The following SYN3 variants were observed in gnomAD, a reference collection of about 807,000 sequenced individuals.
The protein encoded by SYN3 is synapsin-3.
In SYN3, 35 loss-of-function variants were observed where a neutral mutation model predicts 65.8. The observed-to-expected ratio is 0.53, with a 90% CI of 0.41 to 0.70. The LOEUF (loss-of-function observed/expected upper bound fraction) is 0.70. SYN3 is among the 30% of genes least tolerant of loss of function. SYN3 has a pLI of 0.00. For missense variants in SYN3, 680 were observed against 749.0 expected (o/e 0.91, Z 1.08); for synonymous variants, 270 against 292.9 (o/e 0.92, Z 0.80).
At position 32,512,950 on chromosome 22, in the gene SYN3, C is replaced by G. The variant is rs1418814247; in HGVS notation, c.*742G>C. The G allele has an allele frequency of 6.6e-6, 1 of 152,174 alleles. No homozygotes were observed. The highest frequency in any genetic ancestry group is 1.5e-5 in the Non-Finnish European group (1 of 68,036). The allele number at this position is 152,174 out of a possible 1,614,324, so 9.4% of individuals were successfully genotyped here. A position where few individuals can be genotyped will look rare whatever the true frequency, so the allele number is the denominator to read the frequency against. ...TCTCCTTTGTAAACTAGTCTTTATTCCTACAATAACCTGTGATCTGCCCTT... is the reference window on the plus strand; with the variant it reads ...TCTCCTTTGTAAACTAGTCTTTATTGCTACAATAACCTGTGATCTGCCCTT... On this transcript the variant is annotated 3_prime_UTR_variant, in exon 14 of 14. Transcript: ENST00000358763.
At chr22:32,577,249 G>A (rs908326514) in intron 7 of SYN3, among the ~76,000 whole-genome samples, 13 of 152,196 alleles carry the variant, frequency 8.5e-5, no homozygotes, top group African/African-American at 3.1e-4. Context: ...CTGCTGTGTT[G>A]GACAGTTTGC....
At chr22:32,846,328 T>C (rs937092457) in intron 6 of SYN3, among the ~76,000 whole-genome samples, 7 of 152,234 alleles carry the variant, frequency 4.6e-5, no homozygotes, top group Admixed American at 3.9e-4. Flanking sequence ...TCTGTAAGGC[T>C]AGAATATTTT....
chr22:33,046,639 G>C (rs1204223787), intron 1 of SYN3, among the ~76,000 whole-genome samples: 1 of 151,920 alleles, frequency 6.6e-6, no homozygotes, highest in Admixed American at 6.6e-5. Flanking sequence ...TCAGGAGCTC[G>C]AGACCAGCCT....
chr22:32,798,672 C>T (rs2046486214), intron 6 of SYN3, among the ~76,000 whole-genome samples: 2 of 149,740 alleles, frequency 1.3e-5, no homozygotes, highest in Admixed American at 6.6e-5. Flanking sequence ...GCAGGAGAGC[C>T]TGCATCTTCA....
chr22:32,883,245 C>A (rs1375909092), intron 4 of SYN3, among the ~76,000 whole-genome samples: 1 of 152,206 alleles, frequency 6.6e-6, no homozygotes, highest in Non-Finnish European at 1.5e-5. Flanking sequence ...TTTTTAGGAC[C>A]ATAACCCAGT....
At chr22:33,057,194 C>T (rs567284204) in intron 1 of SYN3, among the ~76,000 whole-genome samples, 2 of 152,168 alleles carry the variant, frequency 1.3e-5, no homozygotes, top group African/African-American at 4.8e-5. Flanking sequence ...CATCCATTGT[C>T]CCCAGAGCTG....
intron 6 of SYN3, among the ~76,000 whole-genome samples, chr22:32,686,449 C>G (rs2060589942): frequency 6.6e-6 from 1 of 151,258 alleles, no homozygotes; most frequent in Non-Finnish European, 1.5e-5. Context: ...ATTTACCACA[C>G]TGATATGTGT....
At chr22:32,522,556 T>A (rs1196061707) in intron 12 of SYN3, among the ~76,000 whole-genome samples, 2 of 152,146 alleles carry the variant, frequency 1.3e-5, no homozygotes, top group Non-Finnish European at 2.9e-5. Context: ...ACTATAGAAT[T>A]CTTGCTGGGT....
At chr22:32,849,434 C>A (rs2048157924) in intron 6 of SYN3, 1 of 1,611,900 alleles carries the variant, frequency 6.2e-7, no homozygotes, top group South Asian at 1.1e-5. Context: ...CTCTTATTGT[C>A]TCCTTCTGTC....
intron 7 of SYN3, among the ~76,000 whole-genome samples, chr22:32,543,966 G>A (rs2058298824): frequency 1.3e-5 from 2 of 152,174 alleles, no homozygotes; most frequent in South Asian, 4.1e-4. Flanking sequence ...CTGAGACAGG[G>A]TCTCAATATG....
intron 6 of SYN3, among the ~76,000 whole-genome samples, chr22:32,762,695 C>T (rs1032823177): frequency 6.6e-5 from 10 of 152,174 alleles, no homozygotes; most frequent in African/African-American, 1.4e-4. Flanking sequence ...ATGGACAGAG[C>T]GAGGTGGGGC....
chr22:32,521,442 ATTTT>A (rs34710233), intron 12 of SYN3, among the ~76,000 whole-genome samples: 1 of 119,780 alleles, frequency 8.3e-6, no homozygotes, highest in Admixed American at 9.7e-5. Flanking sequence ...ACACCTCTTG[ATTTT>A]TTTTTTTTTT....
chr22:32,839,448 G>A (rs746934659), intron 6 of SYN3, among the ~76,000 whole-genome samples: 6 of 152,042 alleles, frequency 3.9e-5, no homozygotes, highest in Non-Finnish European at 7.4e-5. Context: ...TGAGGTAGTC[G>A]CCTCATTGGA....
chr22:32,516,027 T>A (rs1390366950), intron 13 of SYN3, among the ~76,000 whole-genome samples: 2 of 152,162 alleles, frequency 1.3e-5, no homozygotes, highest in Non-Finnish European at 2.9e-5. Flanking sequence ...CTCGATCTCC[T>A]GACCTTGTGA....
At chr22:32,738,361 A>G (rs1274691492) in intron 6 of SYN3, among the ~76,000 whole-genome samples, 1 of 152,258 alleles carries the variant, frequency 6.6e-6, no homozygotes, top group Non-Finnish European at 1.5e-5. Context: ...AGTAGAATGC[A>G]GACTTACTTC....
At chr22:32,702,281 TC>T (rs1358000180) in intron 6 of SYN3, among the ~76,000 whole-genome samples, 1 of 152,112 alleles carries the variant, frequency 6.6e-6, no homozygotes, top group African/African-American at 2.4e-5. Flanking sequence ...ATCGAGACCA[TC>T]CTGCCTAACA....
In SYN3 at chr22:32,516,467, G is replaced by T. The variant is rs183769973; in HGVS notation, c.1610+1576C>A. 1.7e-4 allele frequency among the ~76,000 whole-genome samples: 26 copies of T among 152,038 alleles called. No individual in the cohort carries two copies. In the East Asian group the frequency reaches 4.7e-3, roughly 27 times the overall value. Reference sequence around the variant, plus strand: ...CAACCTCAGCCTCTCAGGTTCAAGCGATTCTCCTGCCTCAGCCTCCTGAGT... The same window carrying T: ...CAACCTCAGCCTCTCAGGTTCAAGCTATTCTCCTGCCTCAGCCTCCTGAGT... On this transcript the variant is annotated intron_variant, in intron 13 of 13. Coordinates refer to ENST00000358763, the MANE Select transcript of SYN3 (RefSeq NM_003490.4).
chr22:33,053,014 C>T (rs1425498529), intron 1 of SYN3, among the ~76,000 whole-genome samples: 1 of 152,310 alleles, frequency 6.6e-6, no homozygotes, highest in South Asian at 2.1e-4. Context: ...CCTCTCCAAA[C>T]AAGATAACAT....
intron 12 of SYN3, among the ~76,000 whole-genome samples, chr22:32,524,164 TGCA>T: frequency 6.6e-6 from 1 of 152,362 alleles, no homozygotes; most frequent in East Asian, 1.9e-4. Context: ...ACGAAGAAGC[TGCA>T]GCAAGTTATC....
Sources: gnomAD v4.1 joint callset for allele counts (sites outside exome capture counted in the v4.1 genomes callset) on GRCh38, gnomAD v4.1.1 for gene constraint, MANE v1.5 for transcripts, NCBI Gene and HGNC (gene_info 2026-07-23, HGNC 2026-07-21) for gene names.